Variants in DLG2 observed in about 807,000 individuals in gnomAD.
The protein encoded by DLG2 is discs large MAGUK scaffold protein 2, also known as disks large homolog 2.
DLG2 carries 45 observed loss-of-function variants against 132.5 expected under a neutral mutation model. The observed-to-expected ratio is 0.34, with a 90% confidence interval of 0.27 to 0.44. DLG2 has a LOEUF of 0.44. Among genes scored for constraint, DLG2 ranks in the 20% least tolerant of loss-of-function variants. The pLI is 1.00. For synonymous variants in DLG2, 424 were observed against 419.6 expected (o/e 1.01, Z -0.13); for missense variants, 1,045 against 1,196.9 (o/e 0.87, Z 1.87).
intron 6 of DLG2, among the ~76,000 whole-genome samples, chr11:84,614,695 C>T (rs1235511076): frequency 6.6e-6 from 1 of 152,058 alleles, no homozygotes; most frequent in Non-Finnish European, 1.5e-5. Context: ...ATTTCCCTGT[C>T]TATTTAACAA....
At chr11:85,264,724 G>C (rs1435833607) in intron 4 of DLG2, among the ~76,000 whole-genome samples, 1 of 152,020 alleles carries the variant, frequency 6.6e-6, no homozygotes, top group East Asian at 1.9e-4. Context: ...CAGACTACAG[G>C]GTACTAAGCA....
At chr11:84,208,691 A>G (rs547127862) in intron 8 of DLG2, among the ~76,000 whole-genome samples, 1 of 152,296 alleles carries the variant, frequency 6.6e-6, no homozygotes, top group African/African-American at 2.4e-5. Flanking sequence ...AATAAAGAAA[A>G]TGGTGTTTTG....
intron 9 of DLG2, among the ~76,000 whole-genome samples, chr11:84,136,387 AG>A (rs1318204885): frequency 6.6e-6 from 1 of 152,186 alleles, no homozygotes; most frequent in East Asian, 1.9e-4. Flanking sequence ...AGATAACAAA[AG>A]GTAAATGCTT....
At chr11:85,588,783 C>G (rs2079123581) in intron 3 of DLG2, among the ~76,000 whole-genome samples, 1 of 152,056 alleles carries the variant, frequency 6.6e-6, no homozygotes, top group African/African-American at 2.4e-5. Flanking sequence ...CTGATTCCTT[C>G]TCATTTGGGT....
chr11:84,371,090 T>A (rs1452256371), intron 7 of DLG2, among the ~76,000 whole-genome samples: 1 of 152,164 alleles, frequency 6.6e-6, no homozygotes, highest in Admixed American at 6.6e-5. Flanking sequence ...CAGTGAGATG[T>A]GAATAATGTT....
At chr11:85,356,776 G>GTAGATAGATAGATAGA (rs58735940) in intron 3 of DLG2, among the ~76,000 whole-genome samples, 5 of 147,290 alleles carry the variant, frequency 3.4e-5, no homozygotes, top group African/African-American at 5.0e-5. Context: ...CAGTAGGTAA[G>GTAGATAGATAGATAGA]TAGATAGATA....
chr11:83,829,961 T>C (rs1399465021), intron 17 of DLG2, among the ~76,000 whole-genome samples: 1 of 152,118 alleles, frequency 6.6e-6, no homozygotes, highest in Non-Finnish European at 1.5e-5. Flanking sequence ...GTGTTCTCAT[T>C]GTTCAATTCC....
rs1363395107 is a variant in DLG2 at position 84,038,653 on chromosome 11, G to A, written c.919+20662C>T. 4.6e-5 allele frequency among the ~76,000 whole-genome samples: 7 copies of A among 152,092 alleles called. No individual in the cohort carries two copies. The East Asian group carries it at 1.4e-3, about 29-fold the overall frequency. Reference sequence around the variant, plus strand: ...GTCAGTTACTTTTCAAGATATTCCAGATATTATCCATATTCTATGTATATA... The same window carrying A: ...GTCAGTTACTTTTCAAGATATTCCAAATATTATCCATATTCTATGTATATA... On this transcript the variant is annotated intron_variant, in intron 11 of 27. Transcript: ENST00000376104.
At chr11:85,198,892 G>C (rs977746361) in intron 4 of DLG2, among the ~76,000 whole-genome samples, 1 of 152,082 alleles carries the variant, frequency 6.6e-6, no homozygotes, top group Non-Finnish European at 1.5e-5. Context: ...CCGTGCTTTT[G>C]TACCTGATAA....
intron 7 of DLG2, among the ~76,000 whole-genome samples, chr11:84,399,604 A>T (rs780211766): frequency 6.6e-6 from 1 of 151,892 alleles, no homozygotes; most frequent in Non-Finnish European, 1.5e-5. Context: ...TTTAGTAGAG[A>T]TGGGGTTTCA....
chr11:84,839,315 T>C (rs555256901), intron 6 of DLG2, among the ~76,000 whole-genome samples: 29 of 152,190 alleles, frequency 1.9e-4, no homozygotes, highest in Middle Eastern at 3.4e-3. Context: ...CAAGGAGAAC[T>C]ACAAACCACT....
chr11:84,209,758 A>G (rs747503344), intron 8 of DLG2, among the ~76,000 whole-genome samples: 36 of 152,234 alleles, frequency 2.4e-4, no homozygotes, highest in African/African-American at 7.0e-4. Context: ...CCAAAAGCGC[A>G]ATGAGATGCC....
At chr11:85,360,952 T>C (rs1391363286) in intron 3 of DLG2, among the ~76,000 whole-genome samples, 2 of 152,204 alleles carry the variant, frequency 1.3e-5, no homozygotes, top group Admixed American at 6.5e-5. Context: ...ACCTTACATG[T>C]ATAGAGAGTC....
chr11:83,537,848 T>C (rs1323082962), intron 20 of DLG2, among the ~76,000 whole-genome samples: 1 of 104,422 alleles, frequency 9.6e-6, no homozygotes, highest in Non-Finnish European at 2.0e-5. Flanking sequence ...GAGAGAGAGA[T>C]ACCATGGAAC....
At chr11:85,396,754 G>A (rs987476639) in intron 3 of DLG2, among the ~76,000 whole-genome samples, 2 of 152,154 alleles carry the variant, frequency 1.3e-5, no homozygotes, top group Non-Finnish European at 2.9e-5. Context: ...AATGAACAAA[G>A]CCTCCAAGAA....
intron 18 of DLG2, among the ~76,000 whole-genome samples, chr11:83,747,989 A>T (rs1300893652): frequency 1.3e-5 from 2 of 152,176 alleles, no homozygotes; most frequent in Non-Finnish European, 2.9e-5. Context: ...AGATTGAGGC[A>T]CTTATAGAAA....
chr11:85,385,182 T>G (rs1478418716), intron 3 of DLG2, among the ~76,000 whole-genome samples: 1 of 152,146 alleles, frequency 6.6e-6, no homozygotes, highest in East Asian at 1.9e-4. Context: ...CTGTAAAAAA[T>G]AAATGAATGT....
intron 17 of DLG2, among the ~76,000 whole-genome samples, chr11:83,831,126 G>A (rs1433613068): frequency 6.6e-6 from 1 of 152,130 alleles, no homozygotes; most frequent in Non-Finnish European, 1.5e-5. Flanking sequence ...AAATATTGAG[G>A]ATATAAAATC....
intron 8 of DLG2, among the ~76,000 whole-genome samples, chr11:84,222,464 T>A (rs1156508315): frequency 6.6e-6 from 1 of 152,232 alleles, no homozygotes; most frequent in East Asian, 1.9e-4. Flanking sequence ...ATAAGGCATA[T>A]GACAAGGAAG....
Sources: gnomAD v4.1 joint callset for allele counts (sites outside exome capture counted in the v4.1 genomes callset) on GRCh38, gnomAD v4.1.1 for gene constraint, MANE v1.5 for transcripts, NCBI Gene and HGNC (gene_info 2026-07-23, HGNC 2026-07-21) for gene names.